The following ADAM22 variants were observed in gnomAD, a reference collection of about 807,000 sequenced individuals.
ADAM22 encodes ADAM metallopeptidase domain 22, also known as disintegrin and metalloproteinase domain-containing protein 22.
In ADAM22, 65 loss-of-function variants were observed where a neutral mutation model predicts 144.6. The ratio of observed to expected loss-of-function variants is 0.45; its 90% CI spans 0.37 to 0.55. ADAM22 has a LOEUF of 0.55. Among genes scored for constraint, ADAM22 ranks in the 20% least tolerant of loss-of-function variants. ADAM22 has a pLI of 0.00. For synonymous variants in ADAM22, 391 were observed against 412.6 expected (o/e 0.95, Z 0.63); for missense variants, 974 against 1,184.9 (o/e 0.82, Z 2.61).
intron 17 of ADAM22, 107 bp downstream of exon 17, chr7:88,145,614 T>A: frequency 1.2e-6 from 1 of 858,478 alleles, no homozygotes; most frequent in Non-Finnish European, 1.8e-6. Flanking sequence ...CTAACATATA[T>A]TAAATGAGTA....
rs180852654 is a variant in ADAM22, at chr7:88,140,598, A to G, written c.1221-2428A>G. On this transcript the variant is annotated intron_variant, in intron 14 of 31. Coordinates refer to ENST00000413139, the MANE Select transcript of ADAM22 (RefSeq NM_001324418.2). ...TTGGCTGGCCCAGTGGCTCATGCCT[A>G]TAATCCCAGAACTTTGGGAGGATCG... Among the ~76,000 whole-genome samples, 105 of 152,288 alleles carry G rather than the reference A, an allele frequency of 6.9e-4. 1 individual carries two copies. Among genetic ancestry groups the G allele is most frequent in the Admixed American group, 2.5e-3 (39 of 15,302 alleles).
intron 2 of ADAM22, among the ~76,000 whole-genome samples, chr7:87,974,170 G>A (rs1030664954): frequency 3.3e-5 from 5 of 151,304 alleles, no homozygotes; most frequent in African/African-American, 9.7e-5. Flanking sequence ...CAGCCGTGGT[G>A]GCGGGTGTCT....
chr7:88,021,006 G>A (rs1182449369), intron 3 of ADAM22, among the ~76,000 whole-genome samples: 10 of 152,118 alleles, frequency 6.6e-5, no homozygotes, highest in Non-Finnish European at 1.5e-4. Context: ...TGGAGAGACA[G>A]CCAACTCCAG....
chr7:88,093,238 C>A (rs995671794), intron 4 of ADAM22, among the ~76,000 whole-genome samples: 1 of 150,988 alleles, frequency 6.6e-6, no homozygotes, highest in African/African-American at 2.4e-5. Context: ...TATAATTGAA[C>A]AGAAAGTAGT....
intron 3 of ADAM22, among the ~76,000 whole-genome samples, chr7:88,026,356 C>T (rs1044404832): frequency 3.9e-5 from 6 of 152,138 alleles, no homozygotes; most frequent in Admixed American, 3.9e-4. Flanking sequence ...ATACTTTTAA[C>T]AACGAGATGT....
chr7:88,117,025 T>A (rs1827928114), intron 7 of ADAM22, among the ~76,000 whole-genome samples: 1 of 152,152 alleles, frequency 6.6e-6, no homozygotes, highest in African/African-American at 2.4e-5. Context: ...CTTTAAAAAA[T>A]TTTAAAATTA....
In ADAM22 at chr7:88,116,803, A is replaced by G. The variant is rs1827866669; in HGVS notation, c.596A>G (p.Asp199Gly). ...KSRLFEFSLD[D>G]LPSEFQQVNI... is the part of the protein sequence containing the mutation. ...AGACTGTTTGAATTTTCCTTGGATG[A>G]TCTTCCATCTGGTATGATGTTCATA... Residue 199 changes from aspartate to glycine, a missense_variant, in exon 7 of 32, where the codon GAT (aspartate) becomes GGT (glycine). By Grantham distance (94) the Asp-to-Gly change is moderately conservative. Around this residue, in one of 2 missense-constraint regions of ADAM22, gnomAD observed 734 missense variants for 950.6 expected, o/e 0.77. Transcript: ENST00000413139. The G allele has an allele frequency of 6.2e-7, 1 of 1,611,522 alleles. No homozygotes were observed. The highest frequency in any genetic ancestry group is 8.5e-7 in the Non-Finnish European group (1 of 1,178,048).
intron 2 of ADAM22, among the ~76,000 whole-genome samples, chr7:87,975,351 T>G (rs530483176): frequency 1.4e-4 from 21 of 152,302 alleles, no homozygotes; most frequent in African/African-American, 4.6e-4. Context: ...AGAAACATGA[T>G]CAGTTTTCTT....
chr7:88,116,953 C>G (rs1318253293), intron 7 of ADAM22, 139 bp downstream of exon 7: 8 of 601,090 alleles, frequency 1.3e-5, no homozygotes, highest in Non-Finnish European at 2.3e-5. Context: ...CAAGTCACGT[C>G]AAGAGGGAGA....
At chr7:88,075,767 C>A in intron 4 of ADAM22, 75 bp downstream of exon 4, 2 of 1,105,674 alleles carry the variant, frequency 1.8e-6, no homozygotes, top group South Asian at 1.4e-5. Flanking sequence ...TTTTAATTTT[C>A]AATGATATTT....
At chr7:88,061,195 T>C (rs1458200156) in intron 3 of ADAM22, among the ~76,000 whole-genome samples, 1 of 152,218 alleles carries the variant, frequency 6.6e-6, no homozygotes, top group East Asian at 1.9e-4. Context: ...TCTAGTTATC[T>C]TGCTATTTCT....
At chr7:88,055,348 G>A (rs1807915628) in intron 3 of ADAM22, among the ~76,000 whole-genome samples, 1 of 151,524 alleles carries the variant, frequency 6.6e-6, no homozygotes, top group East Asian at 1.9e-4. Flanking sequence ...CCTGGGTCAC[G>A]AAACTAGAAC....
In ADAM22 at chr7:87,980,290, T is replaced by C. The variant is rs867241099; in HGVS notation, c.323+1878T>C. On this transcript the variant is annotated intron_variant, in intron 3 of 31. Coordinates refer to ENST00000413139, the MANE Select transcript of ADAM22 (RefSeq NM_001324418.2). ...GCTGAGAAACATGCACTGTGCTCTT[T>C]TTTTTTTTTGCCTGGGATCGATGTT... Among the ~76,000 whole-genome samples the C allele has an allele frequency of 9.3e-3, 1,058 of 113,458 alleles. 38 individuals are homozygous for C. Among genetic ancestry groups the C allele is most frequent in the African/African-American group, 0.027 (1,013 of 36,852 alleles). The allele number at this position is 113,458 out of a possible 152,430, so 74.4% of individuals were successfully genotyped here.
At chr7:88,052,226 G>A (rs370030773) in intron 3 of ADAM22, among the ~76,000 whole-genome samples, 10 of 151,866 alleles carry the variant, frequency 6.6e-5, no homozygotes, top group African/African-American at 1.7e-4. Flanking sequence ...GGCCGGACGC[G>A]GTGGCTCACG....
chr7:87,963,913 G>A (rs1315243681), intron 2 of ADAM22, among the ~76,000 whole-genome samples: 1 of 152,112 alleles, frequency 6.6e-6, no homozygotes, highest in Non-Finnish European at 1.5e-5. Context: ...TTGAGAGTAA[G>A]GGTTTTATTT....
intron 3 of ADAM22, among the ~76,000 whole-genome samples, chr7:88,055,128 G>T (rs1807849412): frequency 6.6e-6 from 1 of 151,132 alleles, no homozygotes; most frequent in African/African-American, 2.4e-5. Context: ...TATATCTTTT[G>T]TTTCTTCCCA....
chr7:87,966,263 A>G (rs1436026320), intron 2 of ADAM22, among the ~76,000 whole-genome samples: 1 of 152,202 alleles, frequency 6.6e-6, no homozygotes, highest in Non-Finnish European at 1.5e-5. Context: ...ATTTTGTTGC[A>G]TCTAAATGTT....
At chr7:88,026,649 C>G (rs998187569) in intron 3 of ADAM22, among the ~76,000 whole-genome samples, 2 of 152,180 alleles carry the variant, frequency 1.3e-5, no homozygotes, top group Admixed American at 6.5e-5. Flanking sequence ...TTTCCAAATA[C>G]AAGATTATAT....
At chr7:88,188,558 GTTATAA>G (rs1848866182) in intron 30 of ADAM22, among the ~76,000 whole-genome samples, 1 of 152,204 alleles carries the variant, frequency 6.6e-6, no homozygotes, top group African/African-American at 2.4e-5. Flanking sequence ...TCTGTGGACA[GTTATAA>G]TTTAATTGAC....
Sources: gnomAD v4.1 joint callset for allele counts (sites outside exome capture counted in the v4.1 genomes callset) on GRCh38, gnomAD v4.1.1 for gene constraint, gnomAD v4.1.1 regional missense constraint, MANE v1.5 for transcripts, NCBI Gene and HGNC (gene_info 2026-07-23, HGNC 2026-07-21) for gene names.